Variants in SH3RF2 observed in about 807,000 individuals in gnomAD.
The protein encoded by SH3RF2 is E3 ubiquitin-protein ligase SH3RF2.
SH3RF2 carries 43 observed loss-of-function variants against 59.0 expected under a neutral mutation model. That is an observed-to-expected ratio of 0.73 (90% confidence interval 0.57 to 0.94). The LOEUF (loss-of-function observed/expected upper bound fraction) is 0.94. SH3RF2 is among the 40% of genes least tolerant of loss of function. The pLI is 0.00. For missense variants in SH3RF2, 930 were observed against 940.1 expected (o/e 0.99, Z 0.14); for synonymous variants, 391 against 391.5 (o/e 1.00, Z 0.01).
chr5:145,990,317 C>T (rs1759884419), intron 2 of SH3RF2, among the ~76,000 whole-genome samples: 1 of 152,162 alleles, frequency 6.6e-6, no homozygotes, highest in Non-Finnish European at 1.5e-5. Flanking sequence ...GGTCCAAAGT[C>T]CACAACCTGA....
At chr5:146,059,827 C>T (rs766936897) in intron 8 of SH3RF2, 39 bp from the exon 9 acceptor site, 38 of 1,371,868 alleles carry the variant, frequency 2.8e-5, no homozygotes, top group Middle Eastern at 1.9e-4. Flanking sequence ...TACTGCCAGC[C>T]GCCCCTGCTG....
At chr5:145,985,213 C>T (rs1759655286) in intron 2 of SH3RF2, among the ~76,000 whole-genome samples, 1 of 152,204 alleles carries the variant, frequency 6.6e-6, no homozygotes, top group African/African-American at 2.4e-5. Flanking sequence ...AGAAGTCCAA[C>T]TTCCCAGGGC....
intron 2 of SH3RF2, among the ~76,000 whole-genome samples, chr5:145,950,187 T>C (rs1439384005): frequency 6.6e-6 from 1 of 152,180 alleles, no homozygotes; most frequent in Non-Finnish European, 1.5e-5. Flanking sequence ...TCCTTGGAGG[T>C]CTGTGGTATT....
chr5:145,969,873 C>T (rs1019450819), intron 2 of SH3RF2, among the ~76,000 whole-genome samples: 2 of 152,142 alleles, frequency 1.3e-5, no homozygotes, highest in Non-Finnish European at 2.9e-5. Flanking sequence ...CATGTGGTTC[C>T]TTGGCCTGCT....
intron 5 of SH3RF2, among the ~76,000 whole-genome samples, chr5:146,041,411 A>G (rs866136059): frequency 6.6e-6 from 1 of 152,336 alleles, no homozygotes; most frequent in Middle Eastern, 3.4e-3. Flanking sequence ...TGAGCTCCAC[A>G]TGAGAACGGA....
intron 7 of SH3RF2, among the ~76,000 whole-genome samples, chr5:146,052,670 G>T (rs934510822): frequency 3.3e-5 from 5 of 152,008 alleles, no homozygotes; most frequent in Non-Finnish European, 7.4e-5. Flanking sequence ...GCAAAAAAAG[G>T]CTCCCATCCC....
At chr5:145,973,104 C>T (rs1759150929) in intron 2 of SH3RF2, among the ~76,000 whole-genome samples, 2 of 152,138 alleles carry the variant, frequency 1.3e-5, no homozygotes, top group Non-Finnish European at 2.9e-5. Flanking sequence ...GAGTAAATGA[C>T]ACCTCAACTG....
chr5:146,072,929 G>A (rs1391437541), intron 9 of SH3RF2, among the ~76,000 whole-genome samples: 1 of 152,060 alleles, frequency 6.6e-6, no homozygotes, highest in Non-Finnish European at 1.5e-5. Flanking sequence ...GGTTTGGTGG[G>A]GATTAAGTGA....
intron 2 of SH3RF2, among the ~76,000 whole-genome samples, chr5:145,973,680 GT>G (rs1389273278): frequency 6.6e-6 from 1 of 152,054 alleles, no homozygotes; most frequent in African/African-American, 2.4e-5. Flanking sequence ...GTTCTTTGTG[GT>G]TTTTTTGTTT....
chr5:146,068,286 C>T (rs980125922), downstream of SH3RF2, among the ~76,000 whole-genome samples: 4 of 152,226 alleles, frequency 2.6e-5, no homozygotes, highest in Non-Finnish European at 5.9e-5. Flanking sequence ...CAGGCAGCCA[C>T]ATAGCTTCTG....
At chr5:146,037,644 C>T (rs537466797) in intron 5 of SH3RF2, among the ~76,000 whole-genome samples, 3 of 152,330 alleles carry the variant, frequency 2.0e-5, no homozygotes, top group South Asian at 2.1e-4. Context: ...CTCTTAAAAA[C>T]CCTTCAGAAT....
chr5:146,000,348 C>G (rs1268364073), intron 3 of SH3RF2, 21 bp downstream of exon 3: 2 of 1,608,530 alleles, frequency 1.2e-6, no homozygotes, highest in Non-Finnish European at 8.5e-7. Flanking sequence ...GGGTGGCCAC[C>G]AGAGTCACCT....
At chr5:145,956,710 T>C (rs1340448330) in intron 2 of SH3RF2, among the ~76,000 whole-genome samples, 1 of 152,150 alleles carries the variant, frequency 6.6e-6, no homozygotes, top group Non-Finnish European at 1.5e-5. Context: ...ATAAAAAGCT[T>C]GTAGAAGGGG....
rs1018815143 is a variant in SH3RF2 at position 146,029,991 on chromosome 5, C to T, written c.1059+15930C>T. Among the ~76,000 whole-genome samples, 8 of 152,170 alleles carry T rather than the reference C, an allele frequency of 5.3e-5. 1 individual carries two copies. In the South Asian group the frequency reaches 1.0e-3, roughly 20 times the overall value. ...CTAAATGCGAAATAAAAACTGGTTA[C>T]GTATGCAAAGAATATTGCAAGCACC... On this transcript the variant is annotated intron_variant, in intron 5 of 9. Transcript: ENST00000359120.
In SH3RF2 at chr5:145,977,648, G is replaced by C. The variant is rs1235149128; in HGVS notation, c.379-22410G>C. Among the ~76,000 whole-genome samples, 8 of 152,296 alleles carry C rather than the reference G, an allele frequency of 5.3e-5. 1 individual carries two copies. The highest frequency in any genetic ancestry group is 1.2e-4 in the African/African-American group (5 of 41,564). The stretch of plus-strand genomic sequence containing the variant: ...GGTCTTACAGTATCCCCATATGGCT[G>C]GTCCTATTACTATCAGCTTGCTGAG... On this transcript the variant is annotated intron_variant, in intron 2 of 9. Coordinates refer to ENST00000359120, the MANE Select transcript of SH3RF2 (RefSeq NM_152550.4).
chr5:146,030,108 A>C (rs1234547718), intron 5 of SH3RF2, among the ~76,000 whole-genome samples: 1 of 152,238 alleles, frequency 6.6e-6, no homozygotes, highest in Non-Finnish European at 1.5e-5. Context: ...GGGCAGAGTC[A>C]GAAATGAGAA....
intron 2 of SH3RF2, among the ~76,000 whole-genome samples, chr5:145,976,623 G>C (rs1427634309): frequency 6.6e-6 from 1 of 152,166 alleles, no homozygotes; most frequent in Non-Finnish European, 1.5e-5. Flanking sequence ...CAAGAAAAAC[G>C]GAAGGTATTA....
chr5:146,037,584 C>T (rs1165401134), intron 5 of SH3RF2, among the ~76,000 whole-genome samples: 3 of 152,004 alleles, frequency 2.0e-5, no homozygotes, highest in Non-Finnish European at 4.4e-5. Context: ...ACAGGAACTT[C>T]TCTTCAACAA....
At chr5:146,055,468 G>A (rs1306890311) in intron 7 of SH3RF2, among the ~76,000 whole-genome samples, 1 of 152,336 alleles carries the variant, frequency 6.6e-6, no homozygotes, top group African/African-American at 2.4e-5. Flanking sequence ...ATGTGTCAGT[G>A]CTGAAAGCAG....
Sources: gnomAD v4.1 joint callset for allele counts (sites outside exome capture counted in the v4.1 genomes callset) on GRCh38, gnomAD v4.1.1 for gene constraint, MANE v1.5 for transcripts, NCBI Gene and HGNC (gene_info 2026-07-23, HGNC 2026-07-21) for gene names.